Variants in SCHIP1 observed in about 807,000 individuals in gnomAD.
SCHIP1 encodes schwannomin-interacting protein 1.
Under a neutral mutation model 29.7 loss-of-function variants are expected in SCHIP1, and 8 were observed. The ratio of observed to expected loss-of-function variants is 0.27; its 90% confidence interval spans 0.16 to 0.49. The LOEUF (loss-of-function observed/expected upper bound fraction) is 0.49. SCHIP1 is among the 20% of genes least tolerant of loss of function. SCHIP1 has a pLI of 0.99. For synonymous variants in SCHIP1, 76 were observed against 94.9 expected, an observed-to-expected ratio of 0.80 and a Z score of 1.16; for missense variants, 193 against 294.6, an observed-to-expected ratio of 0.66 and a Z score of 2.52.
chr3:159,399,962 C>T, the SCHIP1 span, among the ~76,000 whole-genome samples: 1 of 152,110 alleles, frequency 6.6e-6, no homozygotes, highest in Non-Finnish European at 1.5e-5. Flanking sequence ...ACAGGCTTCA[C>T]CTGGGCATAT....
chr3:159,518,476 T>G, the SCHIP1 span, among the ~76,000 whole-genome samples: 3 of 152,106 alleles, frequency 2.0e-5, no homozygotes, highest in Non-Finnish European at 4.4e-5. Context: ...TTAAATCCCT[T>G]TGAAGAAATT....
the SCHIP1 span, among the ~76,000 whole-genome samples, chr3:159,317,398 T>C: frequency 1.3e-5 from 2 of 152,198 alleles, no homozygotes; most frequent in African/African-American, 4.8e-5. Flanking sequence ...CATAATGTCG[T>C]GGGAACAGGA....
chr3:159,842,450 A>G, intron 1 of SCHIP1, among the ~76,000 whole-genome samples: 1 of 151,936 alleles, frequency 6.6e-6, no homozygotes, highest in East Asian at 1.9e-4. Flanking sequence ...CCTTGCCCAC[A>G]CTCCATAGTC....
the SCHIP1 span, among the ~76,000 whole-genome samples, chr3:159,365,838 T>G: frequency 6.6e-6 from 1 of 152,192 alleles, no homozygotes; most frequent in Non-Finnish European, 1.5e-5. Flanking sequence ...TATCATTGTG[T>G]CTTGCTATCA....
the SCHIP1 span, among the ~76,000 whole-genome samples, chr3:159,421,289 T>C: frequency 1.9e-3 from 286 of 152,366 alleles, 2 homozygotes; most frequent in African/African-American, 6.8e-3. Context: ...TAGTCTGCTC[T>C]GTGTATTGCT....
At chr3:159,327,224 C>T in the SCHIP1 span, among the ~76,000 whole-genome samples, 21 of 152,128 alleles carry the variant, frequency 1.4e-4, no homozygotes, top group African/African-American at 4.8e-4. Context: ...GATTGCATTG[C>T]CAGATCATGG....
At chr3:159,815,937 CTATT>C in the SCHIP1 span, among the ~76,000 whole-genome samples, 1,949 of 147,556 alleles carry the variant, frequency 0.013, 42 homozygotes, top group African/African-American at 0.046. Flanking sequence ...GCCTCTGGTC[CTATT>C]TATTTATTTA....
chr3:159,549,216 A>G, the SCHIP1 span, among the ~76,000 whole-genome samples: 44 of 152,140 alleles, frequency 2.9e-4, no homozygotes, highest in African/African-American at 1.0e-3. Context: ...TTCCCCATTC[A>G]GGCATTCTCC....
the SCHIP1 span, among the ~76,000 whole-genome samples, chr3:159,680,661 A>AT: frequency 4.8e-4 from 9 of 18,772 alleles, no homozygotes; most frequent in Non-Finnish European, 8.7e-4. Flanking sequence ...TGTATATATA[A>AT]AATATATATT....
At chr3:159,894,018 C>T (rs1344405929) in intron 6 of SCHIP1, 1 of 152,240 alleles carries the variant, frequency 6.6e-6, no homozygotes, top group African/African-American at 2.4e-5. Flanking sequence ...CACCTCTTCC[C>T]TTTACCTGTA....
chr3:159,390,376 T>C, the SCHIP1 span, among the ~76,000 whole-genome samples: 2 of 152,142 alleles, frequency 1.3e-5, no homozygotes, highest in African/African-American at 4.8e-5. Context: ...TTAGTGATAC[T>C]GTTGAACTCT....
the SCHIP1 span, among the ~76,000 whole-genome samples, chr3:159,531,622 T>G: frequency 6.6e-6 from 1 of 152,252 alleles, no homozygotes; most frequent in Non-Finnish European, 1.5e-5. Context: ...AATCAATCAA[T>G]GCAAAAGTAT....
the SCHIP1 span, among the ~76,000 whole-genome samples, chr3:159,789,288 A>G: frequency 6.6e-6 from 1 of 151,708 alleles, no homozygotes; most frequent in Non-Finnish European, 1.5e-5. Flanking sequence ...TTTTCAGGGG[A>G]CCTCTCTTTT....
At chr3:159,289,880 G>A in the SCHIP1 span, among the ~76,000 whole-genome samples, 4 of 152,196 alleles carry the variant, frequency 2.6e-5, no homozygotes, top group Non-Finnish European at 5.9e-5. Context: ...GGGTAAGATA[G>A]ACGGAAAATC....
the SCHIP1 span, among the ~76,000 whole-genome samples, chr3:159,390,762 A>G: frequency 6.6e-6 from 1 of 152,110 alleles, no homozygotes; most frequent in Non-Finnish European, 1.5e-5. Flanking sequence ...CAACATTGGT[A>G]TTTGTTGAGG....
At chr3:159,739,170 A>G in the SCHIP1 span, among the ~76,000 whole-genome samples, 2 of 152,206 alleles carry the variant, frequency 1.3e-5, no homozygotes, top group African/African-American at 2.4e-5. Context: ...CTCACACAAG[A>G]TTTGTCTTGC....
At chr3:159,415,989 G>T in the SCHIP1 span, among the ~76,000 whole-genome samples, 1 of 151,594 alleles carries the variant, frequency 6.6e-6, no homozygotes. Context: ...TTAGTAAAAG[G>T]TGCTGATCAG....
chr3:159,679,669 C>G, the SCHIP1 span, among the ~76,000 whole-genome samples: 1 of 152,118 alleles, frequency 6.6e-6, no homozygotes, highest in South Asian at 2.1e-4. Context: ...GATTTTTTAA[C>G]TGTCAGTTTC....
chr3:159,602,748 C>A, the SCHIP1 span, among the ~76,000 whole-genome samples: 1 of 151,852 alleles, frequency 6.6e-6, no homozygotes, highest in South Asian at 2.1e-4. Flanking sequence ...AAAACATCAG[C>A]CCAAGGTTTG....
Sources: allele counts gnomAD v4.1 joint callset (sites outside exome capture counted in the v4.1 genomes callset), GRCh38; gene constraint gnomAD v4.1.1; transcripts MANE v1.5; gene names NCBI Gene and HGNC (gene_info 2026-07-23, HGNC 2026-07-21).